RABEP1: variants seen among roughly 807,000 people sequenced by gnomAD.
RABEP1 encodes the protein rab GTPase-binding effector protein 1.
RABEP1 carries 51 observed loss-of-function variants against 123.4 expected under a neutral mutation model. That is an observed-to-expected ratio of 0.41 (90% confidence interval 0.33 to 0.52). The LOEUF is 0.52. Ranked by LOEUF, RABEP1 falls within the 20% of genes least tolerant of loss-of-function variation. The pLI, the probability that RABEP1 is intolerant of heterozygous loss-of-function variation, is 0.16. For synonymous variants in RABEP1, 347 were observed against 355.2 expected, an observed-to-expected ratio of 0.98 and a Z score of 0.26; for missense variants, 888 against 996.3, an observed-to-expected ratio of 0.89 and a Z score of 1.46.
chr17:5,380,674 A>G, intron 16 of RABEP1: 1 of 558,702 alleles, frequency 1.8e-6, no homozygotes, highest in Admixed American at 2.5e-5. Context: ...CCTGCGTCAT[A>G]GGCTAGCTTC....
At position 5,310,897 on chromosome 17, in the gene RABEP1, C is replaced by T. The variant is rs140817134; in HGVS notation, c.163+2075C>T. On this transcript the variant is annotated intron_variant, in intron 2 of 17. Coordinates refer to ENST00000537505, the MANE Select transcript of RABEP1 (RefSeq NM_004703.6). Reference sequence around the variant, plus strand: ...TGATCTTGGCTCACTGCAACCTCCGCCTCCTGGGTTCAAGCGACTCTTGTG... The same window carrying T: ...TGATCTTGGCTCACTGCAACCTCCGTCTCCTGGGTTCAAGCGACTCTTGTG... Among the ~76,000 whole-genome samples, 170 of 151,384 alleles carry T rather than the reference C, an allele frequency of 1.1e-3. 1 individual carries two copies. The East Asian group carries it at 0.017, about 15-fold the overall frequency.
chr17:5,286,686 A>G (rs2144430235), intron 1 of RABEP1, among the ~76,000 whole-genome samples: 1 of 152,316 alleles, frequency 6.6e-6, no homozygotes, highest in South Asian at 2.1e-4. Flanking sequence ...ATCTAATATG[A>G]ATGCATACTG....
intron 2 of RABEP1, among the ~76,000 whole-genome samples, chr17:5,321,887 CAAAATTT>C (rs1013187391): frequency 1.3e-5 from 2 of 152,082 alleles, no homozygotes; most frequent in African/African-American, 4.8e-5. Context: ...GTCTCTAAAA[CAAAATTT>C]AAAATTTAAA....
At chr17:5,299,713 TCTTTTCTTTTTCTTTTTC>T (rs1567867909) in intron 1 of RABEP1, among the ~76,000 whole-genome samples, 7 of 129,288 alleles carry the variant, frequency 5.4e-5, no homozygotes, top group South Asian at 3.8e-4. Context: ...TTTCTTTTTT[TCTTTTCTTTTTCTTTTTC>T]TTTTTTTTTT....
At chr17:5,382,777 A>C (rs1403290587) in intron 17 of RABEP1, among the ~76,000 whole-genome samples, 8 of 151,976 alleles carry the variant, frequency 5.3e-5, no homozygotes, top group African/African-American at 1.9e-4. Flanking sequence ...CAAGCAAGCC[A>C]GGTGTGATGG....
At chr17:5,295,388 C>CAAA (rs34686821) in intron 1 of RABEP1, among the ~76,000 whole-genome samples, 3 of 120,400 alleles carry the variant, frequency 2.5e-5, no homozygotes, top group Non-Finnish European at 5.5e-5. Context: ...GATTCCGTCT[C>CAAA]AAAAAAAAAA....
At chr17:5,336,431 AT>A in intron 4 of RABEP1, 1 of 464,052 alleles carries the variant, frequency 2.2e-6, no homozygotes, top group East Asian at 5.6e-5. Flanking sequence ...ACTGAAGTCC[AT>A]TTTTGTATTC....
intron 14 of RABEP1, 69 bp downstream of exon 14, chr17:5,377,374 A>C (rs1911078983): frequency 4.0e-6 from 5 of 1,261,602 alleles, no homozygotes; most frequent in Non-Finnish European, 5.4e-6. Flanking sequence ...GAAGCAATAC[A>C]TGGCCATGGA....
rs757005646 is a variant in RABEP1 at position 5,377,256 on chromosome 17, T to C, written c.2166T>C (p.Asn722=). The C allele has an allele frequency of 5.6e-5, 89 of 1,594,290 alleles. No individual in the cohort carries two copies. The East Asian group carries it at 2.0e-3, about 35-fold the overall frequency. The change falls in exon 14 of 18, where the codon AAT becomes AAC. Residue 722 remains asparagine, a synonymous_variant. Coordinates refer to ENST00000537505, the MANE Select transcript of RABEP1 (RefSeq NM_004703.6). ...AAGCAGAACAGTGTTTAAAAGAAAA[T>C]CTTGAAGAAACTCTGCAACTAGAAA... The part of the protein sequence containing the change: ...QIQAEQCLKE[N]LEETLQLEIE...
At chr17:5,351,363 TC>T (rs1290646141) in intron 7 of RABEP1, among the ~76,000 whole-genome samples, 2 of 152,174 alleles carry the variant, frequency 1.3e-5, no homozygotes, top group Non-Finnish European at 2.9e-5. Context: ...TGAAAAGTCT[TC>T]CTTAACATCT....
chr17:5,299,719 C>CTTTTCTTTTTTTTTTTTTTTTTT (rs2075116264), intron 1 of RABEP1, among the ~76,000 whole-genome samples: 1 of 98,836 alleles, frequency 1.0e-5, no homozygotes, highest in African/African-American at 3.8e-5. Flanking sequence ...TTTTTCTTTT[C>CTTTTCTTTTTTTTTTTTTTTTTT]TTTTTCTTTT....
At chr17:5,313,884 C>T (rs11078557) in intron 2 of RABEP1, among the ~76,000 whole-genome samples, 67,853 of 152,028 alleles carry the variant, frequency 0.45, 15,656 homozygotes, top group African/African-American at 0.55. Flanking sequence ...TGGCCGTTAG[C>T]CTATATCATA....
At chr17:5,329,402 G>A (rs919666764) in intron 2 of RABEP1, among the ~76,000 whole-genome samples, 3 of 152,042 alleles carry the variant, frequency 2.0e-5, no homozygotes, top group Non-Finnish European at 2.9e-5. Flanking sequence ...GTGGTGGCAC[G>A]CGCCTGTAAT....
chr17:5,378,388 C>A, intron 15 of RABEP1, 156 bp downstream of exon 15: 2 of 727,638 alleles, frequency 2.7e-6, no homozygotes, highest in Non-Finnish European at 4.9e-6. Flanking sequence ...TAAGGGTGTG[C>A]TGGTGATTTA....
intron 10 of RABEP1, 119 bp downstream of exon 10, chr17:5,363,135 A>G (rs1909703797): frequency 1.4e-6 from 1 of 726,184 alleles, no homozygotes; most frequent in East Asian, 2.7e-5. Flanking sequence ...CCATCTTGTT[A>G]AGTTATGAAA....
At position 5,338,039 on chromosome 17, in the gene RABEP1, A is replaced by C; in HGVS notation, c.549A>C (p.Lys183Asn). The change falls in exon 5 of 18, where the codon AAA becomes AAC. Residue 183 changes from lysine to asparagine, a missense_variant. Lys to Asn is a moderately conservative substitution (Grantham distance 94). Transcript: ENST00000537505. ...CATAGGCCCAAGAGGATGCTGAGAA[A>C]CTTCGGTCCGTTGTGATGCCAATGG... ...EMKKAQEDAE[K>N]LRSVVMPMEK... The C allele has an allele frequency of 6.2e-7, 1 of 1,613,074 alleles. No homozygotes were observed. The highest frequency in any genetic ancestry group is 1.1e-5 in the South Asian group (1 of 90,930).
intron 1 of RABEP1, among the ~76,000 whole-genome samples, chr17:5,284,534 T>TGGCTCACTGCAGCCTC (rs528919146): frequency 3.3e-3 from 504 of 152,136 alleles, no homozygotes; most frequent in Middle Eastern, 0.01. Flanking sequence ...GGCGCGATCT[T>TGGCTCACTGCAGCCTC]GGCTCACTGC....
chr17:5,308,340 C>T (rs1187003918), intron 1 of RABEP1, among the ~76,000 whole-genome samples: 1 of 152,006 alleles, frequency 6.6e-6, no homozygotes, highest in Admixed American at 6.6e-5. Context: ...ATTCTCCTGC[C>T]TCAGCCTCCT....
At chr17:5,285,767 G>A (rs2074971765) in intron 1 of RABEP1, among the ~76,000 whole-genome samples, 1 of 152,080 alleles carries the variant, frequency 6.6e-6, no homozygotes. Context: ...ATTAAGTGGG[G>A]GAGCAGGATT....
Sources: gnomAD v4.1 joint callset for allele counts (sites outside exome capture counted in the v4.1 genomes callset) on GRCh38, gnomAD v4.1.1 for gene constraint, MANE v1.5 for transcripts, NCBI Gene and HGNC (gene_info 2026-07-23, HGNC 2026-07-21) for gene names.